ANO5: variants seen among roughly 807,000 people sequenced by gnomAD.
ANO5 encodes the protein anoctamin 5.
In ANO5, 109 loss-of-function variants were observed where a neutral mutation model predicts 121.0. That is an observed-to-expected ratio of 0.90 (90% confidence interval 0.77 to 1.06). The LOEUF is 1.06. Ranked by LOEUF, ANO5 falls within the 50% of genes least tolerant of loss-of-function variation. The pLI is 0.00. For synonymous variants in ANO5, 406 were observed against 359.9 expected (o/e 1.13, Z -1.45); for missense variants, 1,064 against 1,078.5 (o/e 0.99, Z 0.19).
chr11:22,267,667 A>G (rs1854423065), intron 17 of ANO5, among the ~76,000 whole-genome samples: 1 of 151,910 alleles, frequency 6.6e-6, no homozygotes, highest in Non-Finnish European at 1.5e-5. Flanking sequence ...TTGTTACACA[A>G]GTAACTTGTG....
At chr11:22,234,184 C>A (rs1853139295) in intron 7 of ANO5, among the ~76,000 whole-genome samples, 1 of 152,088 alleles carries the variant, frequency 6.6e-6, no homozygotes, top group Non-Finnish European at 1.5e-5. Context: ...GTTGAGATAT[C>A]TGTGGTGTTG....
chr11:22,192,836 G>A (rs975201695), upstream of ANO5: 7 of 344,932 alleles, frequency 2.0e-5, no homozygotes, highest in Non-Finnish European at 1.2e-5. Context: ...GGGCCGGGGG[G>A]CGGCGGGTCC....
Position 22,281,877 on chromosome 11 carries a change from C to T in ANO5, c.*2112C>T, listed in dbSNP as rs2133818580. ...GTTTTTAAGATAAGTAAATAATTCCCATGGATTGATAAATATTTTCCTTTT... is the reference window on the plus strand; with the variant it reads ...GTTTTTAAGATAAGTAAATAATTCCTATGGATTGATAAATATTTTCCTTTT... On this transcript the variant is annotated 3_prime_UTR_variant, in exon 22 of 22. Coordinates refer to ENST00000324559, the MANE Select transcript of ANO5 (RefSeq NM_213599.3). 1 of 152,124 alleles carries T rather than the reference C, an allele frequency of 6.6e-6. No individual in the cohort carries two copies. Among genetic ancestry groups the T allele is most frequent in the East Asian group, 1.9e-4 (1 of 5,188 alleles). The allele number at this position is 152,124 out of a possible 1,614,324, so 9.4% of individuals were successfully genotyped here.
At chr11:22,206,447 G>A (rs1039874844) in intron 2 of ANO5, among the ~76,000 whole-genome samples, 1 of 151,870 alleles carries the variant, frequency 6.6e-6, no homozygotes, top group African/African-American at 2.4e-5. Context: ...TGAGTAGCTG[G>A]AACTACAGGT....
At position 22,274,546 on chromosome 11, in the gene ANO5, CTCTTTT is replaced by C; in HGVS notation, c.2236-21_2236-16del. 1 of 1,544,442 alleles carries C rather than the reference CTCTTTT, an allele frequency of 6.5e-7. No homozygotes were observed. Among genetic ancestry groups the C allele is most frequent in the Non-Finnish European group, 8.7e-7 (1 of 1,146,898 alleles). ...ACTAAATTGGCAGCTGATGATCTTC[CTCTTTT>C]TTTTTTTATTCTTCAGGCCTTTATT... On this transcript the variant is annotated splice_polypyrimidine_tract_variant and intron_variant, in intron 19 of 21. Coordinates refer to ENST00000324559, the MANE Select transcript of ANO5 (RefSeq NM_213599.3).
In ANO5 at chr11:22,227,306, C is replaced by T. The variant is rs575008764; in HGVS notation, c.368C>T (p.Ser123Leu). Residue 123 changes from serine (S) to leucine (L), a missense_variant, in exon 7 of 22, where the codon TCG becomes TTG. Transcript: ENST00000324559. ...LELEIEDKRD[S>L]EDGRTYFVKI... Reference sequence around the variant, plus strand: ...TTTGCCTTTTTTTTAATGCAGGACTCGGAAGATGGAAGAACTTATTTTGTC... The same window carrying T: ...TTTGCCTTTTTTTTAATGCAGGACTTGGAAGATGGAAGAACTTATTTTGTC... 9.3e-6 allele frequency: 15 copies of T among 1,612,644 alleles called. No individual in the cohort carries two copies. The highest frequency in any genetic ancestry group is 6.7e-5 in the African/African-American group (5 of 74,694).
upstream of ANO5, chr11:22,192,997 G>T (rs1851693254): frequency 1.0e-6 from 1 of 985,356 alleles, no homozygotes. Context: ...GTGGGGCGCC[G>T]GCCGGTCTTG....
intron 21 of ANO5, among the ~76,000 whole-genome samples, chr11:22,278,389 C>G (rs1415986705): frequency 2.0e-5 from 3 of 151,668 alleles, no homozygotes; most frequent in East Asian, 1.9e-4. Flanking sequence ...TTTGTGCTGT[C>G]TCTCTGGAAC....
At position 22,259,555 on chromosome 11, in the gene ANO5, G is replaced by C. The variant is rs1854120341; in HGVS notation, c.1444G>C (p.Val482Leu). Residue 482 changes from valine to leucine, a missense_variant, in exon 15 of 22, where the codon GTG becomes CTG. Physicochemically the swap from Val to Leu is conservative, Grantham distance 32 (BLOSUM62 1). Coordinates refer to ENST00000324559, the MANE Select transcript of ANO5 (RefSeq NM_213599.3). ...CGTCACCAGTATGGTAGCTGTAATT[G>C]TGTACCGCCTGTCAGTCTTTGCTAC... ...LVVTSMVAVI[V>L]YRLSVFATFA... The C allele has an allele frequency of 6.2e-7, 1 of 1,613,970 alleles. No individual in the cohort carries two copies. The highest frequency in any genetic ancestry group is 8.5e-7 in the Non-Finnish European group (1 of 1,180,004).
At chr11:22,279,346 A>G (rs1440633563) in intron 21 of ANO5, among the ~76,000 whole-genome samples, 198 bp from the exon 22 acceptor site, 3 of 152,012 alleles carry the variant, frequency 2.0e-5, no homozygotes, top group South Asian at 4.1e-4. Flanking sequence ...ATTGCTAGTT[A>G]CATATTTAAG....
chr11:22,227,625 C>T (rs753488827), intron 7 of ANO5, 39 bp downstream of exon 7: 69 of 1,600,548 alleles, frequency 4.3e-5, no homozygotes, highest in Admixed American at 8.4e-5. Context: ...CCTTCAAATA[C>T]GAGATGTATG....
Position 22,268,431 on chromosome 11 carries a change from C to G in ANO5, c.1899-1881C>G, listed in dbSNP as rs147150666. Among the ~76,000 whole-genome samples, 297 of 143,334 alleles carry G rather than the reference C, an allele frequency of 2.1e-3. 4 individuals are homozygous for G. Among genetic ancestry groups the G allele is most frequent in the African/African-American group, 8.6e-3 (287 of 33,386 alleles). The allele number at this position is 143,334 out of a possible 152,430, so 94.0% of individuals were successfully genotyped here. On this transcript the variant is annotated intron_variant, in intron 17 of 21. Coordinates refer to ENST00000324559, the MANE Select transcript of ANO5 (RefSeq NM_213599.3). ...TTTTAATTGCTATTGTAAATGATAT[C>G]TTTTTAGAATATATATGTTTTCTAC...
In ANO5 at chr11:22,218,258, T is replaced by C; in HGVS notation, c.151T>C (p.Phe51Leu). 2 of 1,613,390 alleles carry C rather than the reference T, an allele frequency of 1.2e-6. No homozygotes were observed. Among genetic ancestry groups the C allele is most frequent in the Non-Finnish European group, 1.7e-6 (2 of 1,179,662 alleles). Reference protein sequence around the residue: ...INEETMPAKRFNLFLRRRLMF... With the variant: ...INEETMPAKRLNLFLRRRLMF... ...GGTTGCTTCACAGCCTGCAAAGCGA[T>C]TCAATTTGTTCCTGAGGCGGCGGCT... The change falls in exon 4 of 22, where the codon TTC (phenylalanine) becomes CTC (leucine). Residue 51 changes from phenylalanine to leucine, a missense_variant. Transcript: ENST00000324559.
Position 22,239,662 on chromosome 11 carries a change from G to A in ANO5, c.856G>A (p.Glu286Lys). 3 of 1,608,784 alleles carry A rather than the reference G, an allele frequency of 1.9e-6. No individual in the cohort carries two copies. The highest frequency in any genetic ancestry group is 2.6e-6 in the Non-Finnish European group (3 of 1,175,408). Residue 286 changes from glutamate to lysine, a missense_variant, in exon 9 of 22, where the codon GAG becomes AAG. Transcript: ENST00000324559. ...GGCTCGATTTTCCTATTTCTACAAG[G>A]AGCAGCCTTTAGACTTGATTAAGTA... ...NWARFSYFYKEQPLDLIKNYY... is the reference protein window; with the variant it reads ...NWARFSYFYKKQPLDLIKNYY...
In ANO5 at chr11:22,279,721, A is replaced by C. The variant is rs148293985; in HGVS notation, c.2698A>C (p.Met900Leu). 3,826 of 1,612,790 alleles carry C rather than the reference A, an allele frequency of 2.4e-3. 9 individuals are homozygous for C. Among genetic ancestry groups the C allele is most frequent in the Non-Finnish European group, 3.1e-3 (3,671 of 1,179,204 alleles). ...TTCTAATGAATTTGCCAAGCATGTC[A>C]TGATTGAGGAAAACAAAGCACAGCT... ...INSNEFAKHV[M>L]IEENKAQLAK... The change falls in exon 22 of 22, where the codon ATG becomes CTG. Residue 900 changes from methionine (M) to leucine (L), a missense_variant. Met to Leu is a conservative substitution (Grantham distance 15). Transcript: ENST00000324559.
chr11:22,274,838 A>T (rs1854774055), intron 20 of ANO5, 91 bp downstream of exon 20: 1 of 1,478,072 alleles, frequency 6.8e-7, no homozygotes, highest in African/African-American at 1.4e-5. Flanking sequence ...TACAATATAA[A>T]GGATTTTCTT....
At chr11:22,263,216 T>A (rs1854256043) in intron 17 of ANO5, among the ~76,000 whole-genome samples, 173 bp downstream of exon 17, 1 of 152,146 alleles carries the variant, frequency 6.6e-6, no homozygotes, top group African/African-American at 2.4e-5. Flanking sequence ...TATAAACTCT[T>A]ATTTTTATTT....
chr11:22,227,591 G>A lies in ANO5; in HGVS notation c.648+5G>A, dbSNP rs752512585. The A allele has an allele frequency of 1.9e-6, 3 of 1,613,052 alleles. No individual in the cohort carries two copies. In the African/African-American group the frequency reaches 4.0e-5, roughly 22 times the overall value. On this transcript the variant is annotated splice_donor_5th_base_variant and intron_variant, in intron 7 of 21. Coordinates refer to ENST00000324559, the MANE Select transcript of ANO5 (RefSeq NM_213599.3). The stretch of plus-strand genomic sequence containing the variant: ...TCCTCATCAAGAAACAGAATTGTAG[G>A]TAGAGAAGACCTTTGGGCACATCCC...
chr11:22,208,949 A>T (rs568769222), intron 2 of ANO5, among the ~76,000 whole-genome samples: 13 of 152,060 alleles, frequency 8.5e-5, no homozygotes, highest in South Asian at 4.2e-4. Flanking sequence ...GGCAGGAGGC[A>T]GGCAATTTTC....
Sources: allele counts gnomAD v4.1 joint callset (sites outside exome capture counted in the v4.1 genomes callset), GRCh38; gene constraint gnomAD v4.1.1; transcripts MANE v1.5; gene names NCBI Gene and HGNC (gene_info 2026-07-23, HGNC 2026-07-21).